Variants in GNA14 observed in about 807,000 individuals in gnomAD.
GNA14 encodes guanine nucleotide-binding protein subunit alpha-14.
Under a neutral mutation model 42.0 loss-of-function variants are expected in GNA14, and 50 were observed. The observed-to-expected ratio is 1.19, with a 90% CI of 0.95 to 1.51. GNA14 has a LOEUF of 1.51. Ranked by LOEUF, GNA14 falls within the 40% of genes most tolerant of loss-of-function variation. GNA14 has a pLI of 0.00. For missense variants in GNA14, 473 were observed against 446.2 expected (o/e 1.06, Z -0.54); for synonymous variants, 173 against 163.1 (o/e 1.06, Z -0.46).
At position 77,596,904 on chromosome 9, in the gene GNA14, C is replaced by T. The variant is rs544016256; in HGVS notation, c.124+50766G>A. The stretch of plus-strand genomic sequence containing the variant: ...ACTTCAAACTGTCCCACCTTTGCTT[C>T]GAGTTGTCACACCTTTCCAGACGGA... On this transcript the variant is annotated intron_variant, in intron 1 of 6. Coordinates refer to ENST00000341700, the MANE Select transcript of GNA14 (RefSeq NM_004297.4). Among the ~76,000 whole-genome samples, 130 of 152,278 alleles carry T rather than the reference C, an allele frequency of 8.5e-4. 2 individuals carry two copies. The highest frequency in any genetic ancestry group is 2.6e-3 in the Admixed American group (40 of 15,302).
chr9:77,441,548 T>A (rs975961923), intron 2 of GNA14, among the ~76,000 whole-genome samples: 1 of 152,188 alleles, frequency 6.6e-6, no homozygotes, highest in Non-Finnish European at 1.5e-5. Context: ...ATTTCAAGTG[T>A]CTACTGTGAT....
intron 1 of GNA14, among the ~76,000 whole-genome samples, chr9:77,635,553 C>T (rs1192194740): frequency 1.3e-5 from 2 of 152,006 alleles, no homozygotes; most frequent in Non-Finnish European, 2.9e-5. Flanking sequence ...TAAATTTGTA[C>T]TATCTGGTAA....
chr9:77,483,052 A>T (rs988826259), intron 2 of GNA14, among the ~76,000 whole-genome samples: 1 of 151,870 alleles, frequency 6.6e-6, no homozygotes, highest in East Asian at 1.9e-4. Context: ...TCTTCTCTCA[A>T]CTCATCAAAG....
intron 2 of GNA14, among the ~76,000 whole-genome samples, chr9:77,497,721 A>C (rs565349820): frequency 9.2e-5 from 14 of 152,250 alleles, no homozygotes; most frequent in African/African-American, 3.1e-4. Flanking sequence ...ATTTATATAC[A>C]TATGCATATA....
Position 77,585,337 on chromosome 9 carries a change from G to A in GNA14, c.125-56084C>T, listed in dbSNP as rs139325820. Among the ~76,000 whole-genome samples the A allele has an allele frequency of 5.3e-5, 8 of 152,210 alleles. No homozygotes were observed. In the East Asian group the frequency reaches 7.7e-4, roughly 15 times the overall value. ...CAGAAGTTCCAAACACAGAGTTGAA[G>A]TTTCCTTTTGTAAGGGAAATTTATA... On this transcript the variant is annotated intron_variant, in intron 1 of 6. Transcript: ENST00000341700.
intron 1 of GNA14, among the ~76,000 whole-genome samples, chr9:77,601,813 C>T (rs72732788): frequency 0.01 from 1,550 of 152,324 alleles, 8 homozygotes; most frequent in African/African-American, 0.027. Context: ...GGGTTTCATT[C>T]ATTGGATGAT....
intron 3 of GNA14, 99 bp from the exon 4 acceptor site, chr9:77,431,548 C>T: frequency 9.8e-7 from 1 of 1,021,640 alleles, no homozygotes; most frequent in Non-Finnish European, 1.5e-6. Flanking sequence ...GTGAGCCCCA[C>T]ACAGACACAC....
rs530344847 is a variant in GNA14, at chr9:77,430,806, T to C, written c.593+515A>G. Among the ~76,000 whole-genome samples, 8 of 152,362 alleles carry C rather than the reference T, an allele frequency of 5.3e-5. No homozygotes were observed. In the South Asian group the frequency reaches 1.7e-3, roughly 32 times the overall value. On this transcript the variant is annotated intron_variant, in intron 4 of 6. Transcript: ENST00000341700. ...AAGATTCACTAAGTCATCCTAAAAG[T>C]ATTTCCTATATTTGTAAGTGGAAAT... is the stretch of plus-strand genomic sequence containing the variant.
chr9:77,616,272 A>T (rs1587849003), intron 1 of GNA14, among the ~76,000 whole-genome samples: 1 of 152,210 alleles, frequency 6.6e-6, no homozygotes, highest in Admixed American at 6.5e-5. Flanking sequence ...CCAACTTCAC[A>T]TTGCTTAGGC....
rs540963403 is a variant in GNA14, at chr9:77,451,458, A to G, written c.310-16936T>C. ...TTAGCTGAGGATGTAAAGGAATGCC[A>G]CTATTGATAAAGAGGTCTGTTCCTG... On this transcript the variant is annotated intron_variant, in intron 2 of 6. Coordinates refer to ENST00000341700, the MANE Select transcript of GNA14 (RefSeq NM_004297.4). Among the ~76,000 whole-genome samples, 14 of 152,306 alleles carry G rather than the reference A, an allele frequency of 9.2e-5. No individual in the cohort carries two copies. The East Asian group carries it at 2.7e-3, about 29-fold the overall frequency.
At chr9:77,449,861 T>C (rs1835876562) in intron 2 of GNA14, among the ~76,000 whole-genome samples, 3 of 152,198 alleles carry the variant, frequency 2.0e-5, no homozygotes, top group Admixed American at 2.0e-4. Context: ...AATCTCCCTC[T>C]TGAGAACCCC....
chr9:77,571,736 C>T lies in GNA14; in HGVS notation c.125-42483G>A, dbSNP rs188110592. Reference sequence around the variant, plus strand: ...AATCGCTTGACTCCAGCCTGGGCAACAAGAGCAAACCTCTGCCTTCAAAAA... The same window carrying T: ...AATCGCTTGACTCCAGCCTGGGCAATAAGAGCAAACCTCTGCCTTCAAAAA... On this transcript the variant is annotated intron_variant, in intron 1 of 6. Coordinates refer to ENST00000341700, the MANE Select transcript of GNA14 (RefSeq NM_004297.4). Among the ~76,000 whole-genome samples, 183 of 130,374 alleles carry T rather than the reference C, an allele frequency of 1.4e-3. 1 individual carries two copies. The highest frequency in any genetic ancestry group is 2.5e-4 in the South Asian group (1 of 4,010). 85.5% of individuals were successfully genotyped at this position (130,374 alleles called of 152,430 possible). A position where few individuals can be genotyped will look rare whatever the true frequency, so the allele number is the denominator to read the frequency against.
chr9:77,498,204 C>T (rs1253320117), intron 2 of GNA14, among the ~76,000 whole-genome samples: 1 of 151,772 alleles, frequency 6.6e-6, no homozygotes, highest in Non-Finnish European at 1.5e-5. Flanking sequence ...AGAAACTCCG[C>T]CTCTGCTAAA....
intron 1 of GNA14, among the ~76,000 whole-genome samples, chr9:77,569,034 T>G (rs961536683): frequency 4.6e-5 from 7 of 152,328 alleles, no homozygotes; most frequent in Non-Finnish European, 1.0e-4. Flanking sequence ...AGCTTTCTAT[T>G]TAGCCCAGCT....
intron 2 of GNA14, among the ~76,000 whole-genome samples, chr9:77,522,752 C>T (rs139899650): frequency 2.2e-4 from 34 of 152,190 alleles, no homozygotes; most frequent in Admixed American, 2.2e-3. Flanking sequence ...TTGGCATTGG[C>T]GTAGCAGCCC....
chr9:77,428,180 G>A (rs1045425763), intron 5 of GNA14, among the ~76,000 whole-genome samples: 6 of 148,558 alleles, frequency 4.0e-5, no homozygotes, highest in East Asian at 2.1e-4. Flanking sequence ...CCGGGTTCAC[G>A]CCATTCTCCT....
intron 1 of GNA14, among the ~76,000 whole-genome samples, chr9:77,618,599 TATATATA>T (rs1472677585): frequency 8.5e-5 from 1 of 11,710 alleles, no homozygotes; most frequent in African/African-American, 2.5e-4. Context: ...TATATATATA[TATATATA>T]TATATATATA....
chr9:77,568,102 C>G (rs921745386), intron 1 of GNA14, among the ~76,000 whole-genome samples: 5 of 152,096 alleles, frequency 3.3e-5, no homozygotes, highest in African/African-American at 1.2e-4. Context: ...ATCACTTTAC[C>G]TGCAGCTCCC....
chr9:77,644,073 A>T (rs1397063799), intron 1 of GNA14, among the ~76,000 whole-genome samples: 1 of 152,188 alleles, frequency 6.6e-6, no homozygotes, highest in East Asian at 1.9e-4. Context: ...AACCACTAGT[A>T]CCTCAGAATG....
Sources: gnomAD v4.1 joint callset for allele counts (sites outside exome capture counted in the v4.1 genomes callset) on GRCh38, gnomAD v4.1.1 for gene constraint, MANE v1.5 for transcripts, NCBI Gene and HGNC (gene_info 2026-07-23, HGNC 2026-07-21) for gene names.